SORBS2: variants seen among roughly 807,000 people sequenced by gnomAD.
The protein encoded by SORBS2 is sorbin and SH3 domain-containing protein 2.
Under a neutral mutation model 97.7 loss-of-function variants are expected in SORBS2, and 46 were observed. The ratio of observed to expected loss-of-function variants is 0.47; its 90% CI spans 0.37 to 0.60. SORBS2 has a LOEUF of 0.60. Ranked by LOEUF, SORBS2 falls within the 20% of genes least tolerant of loss-of-function variation. SORBS2 has a pLI of 0.00. For missense variants in SORBS2, 1,316 were observed against 1,282.3 expected, an observed-to-expected ratio of 1.03 and a Z score of -0.40; for synonymous variants, 476 against 473.4, an observed-to-expected ratio of 1.01 and a Z score of -0.07.
At chr4:185,739,345 T>C (rs1179761815) in intron 2 of SORBS2, among the ~76,000 whole-genome samples, 1 of 152,094 alleles carries the variant, frequency 6.6e-6, no homozygotes, top group Non-Finnish European at 1.5e-5. Context: ...CATAGAGAAA[T>C]GAATTGTAGG....
intron 1 of SORBS2, among the ~76,000 whole-genome samples, chr4:185,835,847 C>A (rs1219021817): frequency 6.6e-6 from 1 of 151,878 alleles, no homozygotes. Flanking sequence ...GAGGCTCAAC[C>A]CGGCCTGTTT....
chr4:185,640,712 G>A (rs1053181101), intron 4 of SORBS2, among the ~76,000 whole-genome samples: 1 of 152,020 alleles, frequency 6.6e-6, no homozygotes, highest in South Asian at 2.1e-4. Flanking sequence ...TTATTATTTA[G>A]ATCATTATAG....
At chr4:185,883,456 G>A (rs1291653965) in intron 1 of SORBS2, among the ~76,000 whole-genome samples, 1 of 152,148 alleles carries the variant, frequency 6.6e-6, no homozygotes, top group Non-Finnish European at 1.5e-5. Flanking sequence ...CAGCCACTTT[G>A]GGAAACAATT....
chr4:185,623,728 G>C lies in SORBS2; in HGVS notation c.1401C>G (p.Pro467=). 6.2e-7 allele frequency: 1 copy of C among 1,614,052 alleles called. No individual in the cohort carries two copies. Among genetic ancestry groups the C allele is most frequent in the Non-Finnish European group, 8.5e-7 (1 of 1,180,022 alleles). ...GGCAGCCTCGCCGGCCCCGAGCGGG[G>C]GGGCCGCTTTGATTTTCTTCCTCCA... The change falls in exon 7 of 15, where the codon CCC becomes CCG. Residue 467 remains proline, a synonymous_variant. Coordinates refer to ENST00000418609, the Ensembl canonical transcript of SORBS2. This position sits in a 1 kb window ranked among gnomAD's most constrained non-coding sequence, Gnocchi z 6.4.
At chr4:185,611,735 T>C in intron 12 of SORBS2, 45 bp downstream of exon 24, 1 of 1,480,042 alleles carries the variant, frequency 6.8e-7, no homozygotes, top group African/African-American at 1.4e-5. Context: ...ATTATCTTAC[T>C]TGGAGCTTCC....
At chr4:185,587,588 T>G in exon 15 of SORBS2, 1 of 1,596,620 alleles carries the variant, frequency 6.3e-7, no homozygotes, top group East Asian at 2.2e-5. Context: ...CGCAGGTGCA[T>G]GGCTGGCAGG....
At chr4:185,683,009 C>T (rs28548754) in intron 2 of SORBS2, among the ~76,000 whole-genome samples, 14,288 of 124,996 alleles carry the variant, frequency 0.11, 804 homozygotes, top group African/African-American at 0.16. Context: ...AAGACCCACC[C>T]GTCTCAAAAA....
chr4:185,955,803 C>T (rs2099279253), intron 1 of SORBS2, among the ~76,000 whole-genome samples: 1 of 152,098 alleles, frequency 6.6e-6, no homozygotes, highest in African/African-American at 2.4e-5. Flanking sequence ...GGCCTTTTTT[C>T]TCTCTGAGGC....
chr4:185,643,303 G>A (rs1159450096), intron 4 of SORBS2, among the ~76,000 whole-genome samples: 3 of 152,156 alleles, frequency 2.0e-5, no homozygotes, highest in Non-Finnish European at 2.9e-5. Context: ...CTTTACAGAG[G>A]CCCAGCAATG....
chr4:185,644,603 G>A (rs1341298180), intron 4 of SORBS2, among the ~76,000 whole-genome samples: 2 of 152,130 alleles, frequency 1.3e-5, no homozygotes, highest in Non-Finnish European at 2.9e-5. Context: ...GGGGCAAGGC[G>A]AGCTAATGTG....
At chr4:185,677,922 TA>T (rs2097818508) in intron 4 of SORBS2, among the ~76,000 whole-genome samples, 1 of 152,232 alleles carries the variant, frequency 6.6e-6, no homozygotes, top group South Asian at 2.1e-4. Flanking sequence ...GAAATTATGT[TA>T]AAAGTGAACA....
At chr4:185,635,389 T>C (rs1470148762) in intron 4 of SORBS2, 4 of 1,613,874 alleles carry the variant, frequency 2.5e-6, no homozygotes, top group Middle Eastern at 1.6e-4. Flanking sequence ...ATCTTGAACA[T>C]AGTCCAGAGG....
intron 2 of SORBS2, among the ~76,000 whole-genome samples, chr4:185,722,571 T>C (rs971672931): frequency 2.0e-5 from 3 of 152,252 alleles, no homozygotes; most frequent in Non-Finnish European, 2.9e-5. Context: ...TGGCATCTGA[T>C]TGGTGATAAA....
Position 185,799,843 on chromosome 4 carries a change from C to T in SORBS2, c.-337-24477G>A, listed in dbSNP as rs2099122143. On this transcript the variant is annotated intron_variant, in intron 1 of 20. Coordinates refer to the SORBS2 transcript ENST00000284776. The stretch of plus-strand genomic sequence containing the variant: ...CTGTGGCATAGAGGGTTTCGTACCT[C>T]GGCTTACTTCACTGCAATCGGCTTT... Among the ~76,000 whole-genome samples, 3 of 152,154 alleles carry T rather than the reference C, an allele frequency of 2.0e-5. No individual in the cohort carries two copies. The South Asian group carries it at 6.2e-4, about 32-fold the overall frequency.
intron 2 of SORBS2, among the ~76,000 whole-genome samples, chr4:185,728,027 C>G (rs368312665): frequency 6.6e-6 from 1 of 152,052 alleles, no homozygotes; most frequent in Non-Finnish European, 1.5e-5. Context: ...TCAGTAAACT[C>G]ATGGAGAATA....
At chr4:185,646,419 A>T (rs28564061) in intron 4 of SORBS2, 1 of 167,406 alleles carries the variant, frequency 6.0e-6, no homozygotes, top group Admixed American at 7.4e-5. Flanking sequence ...GTGTGTGTGT[A>T]TATATATATA....
intron 4 of SORBS2, among the ~76,000 whole-genome samples, chr4:185,642,732 G>A (rs778986752): frequency 1.3e-5 from 2 of 152,176 alleles, no homozygotes; most frequent in African/African-American, 2.4e-5. Context: ...TGATTCCTAA[G>A]GAAGATCTCT....
At chr4:185,668,872 G>A (rs1033506904) in intron 4 of SORBS2, among the ~76,000 whole-genome samples, 1 of 152,182 alleles carries the variant, frequency 6.6e-6, no homozygotes, top group African/African-American at 2.4e-5. Context: ...AGTATAAATT[G>A]TTTTTTCTTT....
intron 1 of SORBS2, among the ~76,000 whole-genome samples, chr4:185,913,681 A>G (rs2099256550): frequency 6.6e-6 from 1 of 152,204 alleles, no homozygotes; most frequent in South Asian, 2.1e-4. Context: ...AGCAAATGAC[A>G]TTGTAACACC....
Sources: allele counts gnomAD v4.1 joint callset (sites outside exome capture counted in the v4.1 genomes callset), GRCh38; gene constraint gnomAD v4.1.1; non-coding constraint Gnocchi (gnomAD v3.1); transcripts MANE v1.5; gene names NCBI Gene and HGNC (gene_info 2026-07-23, HGNC 2026-07-21).